PDCL2: variants seen among roughly 807,000 people sequenced by gnomAD.
PDCL2 encodes phosducin like 2, also known as phosducin-like protein 2.
PDCL2 carries 23 observed loss-of-function variants against 30.3 expected under a neutral mutation model. The ratio of observed to expected loss-of-function variants is 0.76; its 90% CI spans 0.55 to 1.08. The LOEUF is 1.08. Ranked by LOEUF, PDCL2 falls within the 50% of genes least tolerant of loss-of-function variation. The pLI, the probability that PDCL2 is intolerant of heterozygous loss-of-function variation, is 0.00. For missense variants in PDCL2, 243 were observed against 282.3 expected (o/e 0.86, Z 1.00); for synonymous variants, 68 against 86.2 (o/e 0.79, Z 1.17).
chr4:55,586,786 C>A (rs1732874280), intron 1 of PDCL2, among the ~76,000 whole-genome samples: 1 of 152,150 alleles, frequency 6.6e-6, no homozygotes, highest in East Asian at 1.9e-4. Context: ...TTCCCACCAG[C>A]AATGCAAAAG....
chr4:55,559,626 C>A (rs978375255), intron 5 of PDCL2, among the ~76,000 whole-genome samples: 1 of 152,136 alleles, frequency 6.6e-6, no homozygotes, highest in Non-Finnish European at 1.5e-5. Flanking sequence ...AATAGAATTA[C>A]CATATCATCT....
chr4:55,578,373 G>T (rs1250667087), intron 3 of PDCL2, among the ~76,000 whole-genome samples: 1 of 152,164 alleles, frequency 6.6e-6, no homozygotes, highest in Non-Finnish European at 1.5e-5. Context: ...GGAGCTAGGG[G>T]TTGAGCATGA....
In PDCL2 at chr4:55,592,178, C is replaced by G; in HGVS notation, c.-69G>C. On this transcript the variant is annotated 5_prime_UTR_variant, in exon 1 of 6. Transcript: ENST00000295645. ...TGGCGAGGCGCCACGGATGGAGACC[C>G]GCAGCCTTCTCCAGGCTGGAAGAGC... 2 of 1,586,674 alleles carry G rather than the reference C, an allele frequency of 1.3e-6. No individual in the cohort carries two copies. Among genetic ancestry groups the G allele is most frequent in the African/African-American group, 1.3e-5 (1 of 74,132 alleles).
At chr4:55,574,369 A>G (rs906644495) in intron 3 of PDCL2, among the ~76,000 whole-genome samples, 3 of 152,236 alleles carry the variant, frequency 2.0e-5, no homozygotes, top group African/African-American at 4.8e-5. Context: ...GATTAGGGTC[A>G]TGAGACTAGA....
chr4:55,563,215 G>A (rs1316888042), intron 4 of PDCL2, among the ~76,000 whole-genome samples: 1 of 152,102 alleles, frequency 6.6e-6, no homozygotes, highest in Non-Finnish European at 1.5e-5. Flanking sequence ...CTCCTTGATC[G>A]ATTAGTCCCT....
At position 55,574,564 on chromosome 4, in the gene PDCL2, G is replaced by A. The variant is rs578139288; in HGVS notation, c.219-4703C>T. 5.3e-5 allele frequency among the ~76,000 whole-genome samples: 8 copies of A among 152,266 alleles called. No individual in the cohort carries two copies. In the East Asian group the frequency reaches 1.5e-3, roughly 29 times the overall value. On this transcript the variant is annotated intron_variant, in intron 3 of 5. Transcript: ENST00000295645. ...TTGCCTGGAGGAGAGCTACTCAGGAGAACTATAGGATAAGCATCAAAGAAT... is the reference window on the plus strand; with the variant it reads ...TTGCCTGGAGGAGAGCTACTCAGGAAAACTATAGGATAAGCATCAAAGAAT...
intron 3 of PDCL2, 108 bp downstream of exon 3, chr4:55,580,713 A>G (rs965696626): frequency 2.8e-6 from 2 of 724,728 alleles, no homozygotes; most frequent in Non-Finnish European, 4.1e-6. Flanking sequence ...TTACTTAAAA[A>G]TTAGTTTTGT....
chr4:55,588,589 A>T (rs913740593), intron 1 of PDCL2, among the ~76,000 whole-genome samples: 20 of 152,244 alleles, frequency 1.3e-4, no homozygotes, highest in African/African-American at 3.6e-4. Context: ...TGTCATGGGT[A>T]CATCCTTAAC....
Position 55,582,217 on chromosome 4 carries a change from T to C in PDCL2, c.27A>G (p.Glu9=), listed in dbSNP as rs150416581. ...CGAAATCTCTTAAAATGTCATTCCA[T>C]TCTGTATCTTCATTGGGATCCTACA... MQDPNEDT[E]WNDILRDFGI... The change falls in exon 2 of 6, where the codon GAA becomes GAG. Residue 9 remains glutamate, a synonymous_variant. Coordinates refer to ENST00000295645, the MANE Select transcript of PDCL2 (RefSeq NM_152401.3). 1,989 of 1,608,148 alleles carry C rather than the reference T, an allele frequency of 1.2e-3. 22 individuals are homozygous for C. The African/African-American group carries it at 0.024, about 19-fold the overall frequency.
At chr4:55,588,086 A>C (rs1732907651) in intron 1 of PDCL2, among the ~76,000 whole-genome samples, 1 of 152,172 alleles carries the variant, frequency 6.6e-6, no homozygotes, top group Admixed American at 6.5e-5. Context: ...ACAGTTGTGA[A>C]AGAAAAATAA....
chr4:55,561,336 C>T (rs1056355718), intron 5 of PDCL2, among the ~76,000 whole-genome samples: 26 of 151,998 alleles, frequency 1.7e-4, no homozygotes, highest in African/African-American at 5.5e-4. Context: ...CTGAGGCGGG[C>T]GGATCTCCTG....
intron 3 of PDCL2, among the ~76,000 whole-genome samples, chr4:55,579,370 C>G (rs1004058598): frequency 6.6e-6 from 1 of 152,148 alleles, no homozygotes; most frequent in African/African-American, 2.4e-5. Context: ...ACTCTTGTTG[C>G]CCAGGCTGGA....
At chr4:55,573,081 C>T (rs892867682) in intron 3 of PDCL2, among the ~76,000 whole-genome samples, 1 of 152,112 alleles carries the variant, frequency 6.6e-6, no homozygotes, top group Non-Finnish European at 1.5e-5. Context: ...TCTTTCCCCA[C>T]TTAATTCTGA....
At position 55,556,725 on chromosome 4, in the gene PDCL2, C is replaced by T. The variant is rs749790131; in HGVS notation, c.572-14G>A. 1 of 1,505,112 alleles carries T rather than the reference C, an allele frequency of 6.6e-7. No homozygotes were observed. The highest frequency in any genetic ancestry group is 8.9e-7 in the Non-Finnish European group (1 of 1,128,106). The allele number at this position is 1,505,112 out of a possible 1,614,324, so 93.2% of individuals were successfully genotyped here. The stretch of plus-strand genomic sequence containing the variant: ...TCCATTCAAGTTCTGTAATAAATAA[C>T]CCATCATTCAGTTAAAAATCTTGAA... On this transcript the variant is annotated splice_polypyrimidine_tract_variant and intron_variant, in intron 5 of 5. Coordinates refer to ENST00000295645, the MANE Select transcript of PDCL2 (RefSeq NM_152401.3).
Position 55,561,554 on chromosome 4 carries a change from G to A in PDCL2, c.571+850C>T, listed in dbSNP as rs182055758. Among the ~76,000 whole-genome samples the A allele has an allele frequency of 1.8e-4, 27 of 152,080 alleles. 1 individual carries two copies. The East Asian group carries it at 5.2e-3, about 29-fold the overall frequency. ...ACTCTAGCCTGAGTGACAGAGCAAG[G>A]TTCTGTCTCAAAAACAAACAAACAA... is the stretch of plus-strand genomic sequence containing the variant. On this transcript the variant is annotated intron_variant, in intron 5 of 5. Transcript: ENST00000295645.
intron 4 of PDCL2, 39 bp downstream of exon 4, chr4:55,569,679 T>A: frequency 1.4e-6 from 2 of 1,422,878 alleles, no homozygotes; most frequent in Non-Finnish European, 1.9e-6. Context: ...TCTTTTAAAA[T>A]AGTAGTATAT....
At chr4:55,560,755 G>A (rs1732110749) in intron 5 of PDCL2, among the ~76,000 whole-genome samples, 1 of 152,146 alleles carries the variant, frequency 6.6e-6, no homozygotes, top group Admixed American at 6.5e-5. Context: ...AAGAGGTGGG[G>A]ACTTTGGGAG....
intron 4 of PDCL2, among the ~76,000 whole-genome samples, chr4:55,564,712 G>T (rs987688197): frequency 1.3e-5 from 2 of 151,974 alleles, no homozygotes; most frequent in Admixed American, 1.3e-4. Flanking sequence ...ATAAAAAGTG[G>T]GTCTAATCCT....
intron 5 of PDCL2, among the ~76,000 whole-genome samples, chr4:55,557,234 T>C (rs998834766): frequency 6.6e-6 from 1 of 152,240 alleles, no homozygotes; most frequent in Non-Finnish European, 1.5e-5. Context: ...GAAATTATGG[T>C]TAAACTGGGT....
Sources: allele counts gnomAD v4.1 joint callset (sites outside exome capture counted in the v4.1 genomes callset), GRCh38; gene constraint gnomAD v4.1.1; transcripts MANE v1.5; gene names NCBI Gene and HGNC (gene_info 2026-07-23, HGNC 2026-07-21).